The following CASP6 variants were observed in gnomAD, a reference collection of about 807,000 sequenced individuals.
The protein encoded by CASP6 is caspase 6.
In CASP6, 20 loss-of-function variants were observed where a neutral mutation model predicts 31.8. The ratio of observed to expected loss-of-function variants is 0.63; its 90% confidence interval spans 0.44 to 0.91. The LOEUF is 0.91. CASP6 is among the 40% of genes least tolerant of loss of function. CASP6 has a pLI of 0.00. For missense variants in CASP6, 328 were observed against 361.1 expected (o/e 0.91, Z 0.74); for synonymous variants, 130 against 127.8 (o/e 1.02, Z -0.12).
chr4:109,678,031 G>GA, the CASP6 span, among the ~76,000 whole-genome samples: 10 of 152,060 alleles, frequency 6.6e-5, no homozygotes, highest in Middle Eastern at 3.4e-3. Context: ...TAACGAGTAT[G>GA]CTGCCTTCAG....
chr4:109,689,983 G>A (rs969395159), intron 6 of CASP6, among the ~76,000 whole-genome samples: 3 of 151,690 alleles, frequency 2.0e-5, no homozygotes, highest in Admixed American at 6.6e-5. Context: ...TCAGGAGTTC[G>A]AGACCAGCCT....
the CASP6 span, chr4:109,683,011 C>T: frequency 6.7e-6 from 2 of 297,394 alleles, no homozygotes; most frequent in Non-Finnish European, 1.2e-5. Context: ...CTATGCCATG[C>T]CTCCTCTCCA....
At chr4:109,703,280 C>T in intron 1 of CASP6, 76 bp downstream of exon 1, 1 of 1,523,964 alleles carries the variant, frequency 6.6e-7, no homozygotes, top group East Asian at 2.4e-5. Flanking sequence ...CGCGCCCGGT[C>T]CACTAACCCT....
the CASP6 span, among the ~76,000 whole-genome samples, chr4:109,667,373 A>G: frequency 6.6e-6 from 1 of 151,996 alleles, no homozygotes; most frequent in African/African-American, 2.4e-5. Context: ...GTGGGCATAG[A>G]GTTGTTCATA....
chr4:109,703,252 C>T (rs549964285), intron 1 of CASP6, 104 bp downstream of exon 1: 1 of 1,326,436 alleles, frequency 7.5e-7, no homozygotes, highest in Non-Finnish European at 1.0e-6. Flanking sequence ...AAGGAACCCG[C>T]GGCCCCACTC....
chr4:109,681,786 G>A, the CASP6 span, among the ~76,000 whole-genome samples: 1 of 152,170 alleles, frequency 6.6e-6, no homozygotes, highest in Non-Finnish European at 1.5e-5. Context: ...AGTCAGCAGC[G>A]AGTCTGCTAC....
the CASP6 span, among the ~76,000 whole-genome samples, chr4:109,674,407 A>G: frequency 1.3e-5 from 2 of 152,204 alleles, no homozygotes; most frequent in African/African-American, 4.8e-5. Context: ...TTTTAAGATG[A>G]ACTTAGTTCT....
chr4:109,706,032 A>AAT (rs1554022956), upstream of CASP6, among the ~76,000 whole-genome samples: 7 of 93,832 alleles, frequency 7.5e-5, no homozygotes, highest in East Asian at 2.6e-4. Flanking sequence ...ATATATATAT[A>AAT]ATATATATAA....
In CASP6 at chr4:109,689,492, G is replaced by C; in HGVS notation, c.720C>G (p.Gly240=). The change falls in exon 7 of 7, where the codon GGC becomes GGG. Residue 240 remains glycine, a synonymous_variant. Coordinates refer to ENST00000265164, the MANE Select transcript of CASP6 (RefSeq NM_001226.4). ...GGAGTTCTGTGAACTCTAAGGAGGA[G>C]CCATATTTTCCCAACATCTCACACA... ...QDLCEMLGKY[G]SSLEFTELLT... 1 of 1,614,158 alleles carries C rather than the reference G, an allele frequency of 6.2e-7. No homozygotes were observed. Among genetic ancestry groups the C allele is most frequent in the Non-Finnish European group, 8.5e-7 (1 of 1,180,040 alleles).
chr4:109,689,597 G>A, intron 6 of CASP6, 29 bp from the exon 7 acceptor site: 2 of 1,592,970 alleles, frequency 1.3e-6, no homozygotes, highest in Non-Finnish European at 1.7e-6. Flanking sequence ...AAATGTTGCT[G>A]CAGTTTTCTG....
chr4:109,677,915 TA>T, the CASP6 span, among the ~76,000 whole-genome samples: 2 of 147,516 alleles, frequency 1.4e-5, no homozygotes, highest in Non-Finnish European at 3.0e-5. Context: ...GGTCAGCAGA[TA>T]AACACGTGAA....
chr4:109,696,554 A>G (rs1418364267), intron 3 of CASP6, 68 bp from the exon 4 acceptor site: 1 of 1,009,800 alleles, frequency 9.9e-7, no homozygotes, highest in Admixed American at 2.1e-5. Flanking sequence ...CTTACTTTGG[A>G]AGAATCTATA....
downstream of CASP6, chr4:109,688,332 T>C (rs1480109171): frequency 6.6e-6 from 1 of 152,132 alleles, no homozygotes; most frequent in Non-Finnish European, 1.5e-5. Flanking sequence ...TGTGTGTGAA[T>C]GGGTCTGATG....
the CASP6 span, among the ~76,000 whole-genome samples, chr4:109,666,037 G>C: frequency 6.6e-6 from 1 of 152,104 alleles, no homozygotes; most frequent in Admixed American, 6.5e-5. Context: ...TAAGGGAGGA[G>C]ACGAGGCAGT....
chr4:109,698,923 T>C (rs1163813474), intron 1 of CASP6, among the ~76,000 whole-genome samples: 1 of 152,204 alleles, frequency 6.6e-6, no homozygotes, highest in African/African-American at 2.4e-5. Context: ...CCCTACTCCC[T>C]GGACAGCCTT....
chr4:109,691,053 C>T, intron 5 of CASP6, 44 bp from the exon 6 acceptor site: 1 of 1,574,540 alleles, frequency 6.4e-7, no homozygotes, highest in Non-Finnish European at 8.6e-7. Context: ...CCTACTGTTT[C>T]CTTCCCAGTG....
intron 1 of CASP6, among the ~76,000 whole-genome samples, chr4:109,703,145 C>T (rs1730479439): frequency 6.6e-6 from 1 of 152,182 alleles, no homozygotes. Context: ...CAGCCAGGTC[C>T]CCGAGTGTTT....
downstream of CASP6, chr4:109,685,425 G>C (rs1005383921): frequency 1.4e-6 from 1 of 736,676 alleles, no homozygotes; most frequent in African/African-American, 1.7e-5. Flanking sequence ...TTAGTATCAG[G>C]GAAGTATAAC....
At chr4:109,704,651 T>C (rs1308700962), upstream of CASP6, among the ~76,000 whole-genome samples, 1 of 152,236 alleles carries the variant, frequency 6.6e-6, no homozygotes, top group African/African-American at 2.4e-5. Flanking sequence ...GGTGCTAACG[T>C]AGAAGCTGCA....
Sources: allele counts gnomAD v4.1 joint callset (sites outside exome capture counted in the v4.1 genomes callset), GRCh38; gene constraint gnomAD v4.1.1; transcripts MANE v1.5; gene names NCBI Gene and HGNC (gene_info 2026-07-23, HGNC 2026-07-21).